Variants in PFDN1 observed in about 807,000 individuals in gnomAD.
PFDN1 encodes the protein prefoldin subunit 1, also known as prefoldin 1.
A neutral mutation model predicts 17.3 loss-of-function variants in PFDN1; 6 were observed. The ratio of observed to expected loss-of-function variants is 0.35; its 90% CI spans 0.19 to 0.69. The LOEUF is 0.69. Ranked by LOEUF, PFDN1 falls within the 30% of genes least tolerant of loss-of-function variation. PFDN1 has a pLI of 0.65. For missense variants in PFDN1, 113 were observed against 146.2 expected (o/e 0.77, Z 1.17); for synonymous variants, 58 against 50.1 (o/e 1.16, Z -0.67).
chr5:140,279,632 A>AT (rs1052151069), intron 3 of PFDN1, among the ~76,000 whole-genome samples: 2 of 152,188 alleles, frequency 1.3e-5, no homozygotes, highest in Non-Finnish European at 2.9e-5. Flanking sequence ...CACTCTGCTA[A>AT]TTTTTTAATC....
chr5:140,294,497 T>C (rs1765624903), intron 2 of PFDN1, among the ~76,000 whole-genome samples: 1 of 151,982 alleles, frequency 6.6e-6, no homozygotes. Context: ...ACATTTAACA[T>C]AACTAAGGGA....
chr5:140,296,683 G>A lies in PFDN1; in HGVS notation c.200+3733C>T, dbSNP rs964996282. Among the ~76,000 whole-genome samples, 3 of 152,182 alleles carry A rather than the reference G, an allele frequency of 2.0e-5. No individual in the cohort carries two copies. In the South Asian group the frequency reaches 6.2e-4, roughly 31 times the overall value. ...ATGTGTGAGGAAACCTATGTGGCAA[G>A]GGTAGGATAACAATTTCTAGTACAT... On this transcript the variant is annotated intron_variant, in intron 2 of 3. Coordinates refer to ENST00000261813, the MANE Select transcript of PFDN1 (RefSeq NM_002622.5).
At chr5:140,273,162 T>C (rs1189086376) in intron 3 of PFDN1, among the ~76,000 whole-genome samples, 1 of 151,520 alleles carries the variant, frequency 6.6e-6, no homozygotes, top group Non-Finnish European at 1.5e-5. Context: ...GAAGAATCGC[T>C]TGAACCCAGG....
chr5:140,262,593 T>C (rs1765080769), intron 3 of PFDN1: 5 of 454,912 alleles, frequency 1.1e-5, no homozygotes, highest in Non-Finnish European at 2.2e-5. Context: ...GTGCTTCATA[T>C]GGAATGAAAA....
At chr5:140,263,492 T>C (rs1765091236) in intron 3 of PFDN1, among the ~76,000 whole-genome samples, 1 of 152,204 alleles carries the variant, frequency 6.6e-6, no homozygotes, top group Non-Finnish European at 1.5e-5. Context: ...GGGCCAGAAA[T>C]AAAAGTTACT....
intron 2 of PFDN1, among the ~76,000 whole-genome samples, chr5:140,295,061 A>G (rs1383190238): frequency 6.6e-6 from 1 of 152,002 alleles, no homozygotes; most frequent in Non-Finnish European, 1.5e-5. Flanking sequence ...AGTTCCTCAT[A>G]TTAAAAAAAA....
intron 1 of PFDN1, among the ~76,000 whole-genome samples, chr5:140,302,328 C>T (rs1765760720): frequency 1.3e-5 from 2 of 152,180 alleles, no homozygotes. Context: ...GAATGCTGAT[C>T]ATTCTTAGAT....
chr5:140,272,151 C>CT (rs1765215450), intron 3 of PFDN1, among the ~76,000 whole-genome samples: 3 of 151,580 alleles, frequency 2.0e-5, no homozygotes, highest in African/African-American at 7.2e-5. Flanking sequence ...TCCCGAGTAG[C>CT]TGGGGCTACA....
At chr5:140,289,943 C>T (rs1409214977) in intron 2 of PFDN1, among the ~76,000 whole-genome samples, 2 of 152,156 alleles carry the variant, frequency 1.3e-5, no homozygotes, top group Non-Finnish European at 2.9e-5. Flanking sequence ...GCTCTTATTA[C>T]TAACCTCCTG....
In PFDN1 at chr5:140,245,699, C is replaced by T; in HGVS notation, c.*275G>A. On this transcript the variant is annotated 3_prime_UTR_variant, in exon 4 of 4. Coordinates refer to ENST00000261813, the MANE Select transcript of PFDN1 (RefSeq NM_002622.5). ...TAGTGGAAAGCTCAGGCAGAGCTTC[C>T]TATCTTGCCCTGGCTCCCATCTTCC... 3.2e-6 allele frequency: 2 copies of T among 619,746 alleles called. No individual in the cohort carries two copies. Among genetic ancestry groups the T allele is most frequent in the Non-Finnish European group, 5.7e-6 (2 of 348,606 alleles). 38.4% of individuals were successfully genotyped at this position (619,746 alleles called of 1,614,324 possible).
intron 2 of PFDN1, among the ~76,000 whole-genome samples, chr5:140,285,080 A>C (rs1395601396): frequency 6.6e-6 from 1 of 152,206 alleles, no homozygotes; most frequent in Admixed American, 6.5e-5. Flanking sequence ...CACAATTTCC[A>C]AAGTATGGTC....
intron 2 of PFDN1, among the ~76,000 whole-genome samples, chr5:140,297,072 A>C (rs1765665346): frequency 6.6e-6 from 1 of 152,240 alleles, no homozygotes; most frequent in Non-Finnish European, 1.5e-5. Flanking sequence ...GGCAGGAAGA[A>C]AGAACAGTTA....
chr5:140,252,340 G>C (rs1764926949), intron 3 of PFDN1, among the ~76,000 whole-genome samples: 1 of 152,194 alleles, frequency 6.6e-6, no homozygotes, highest in Admixed American at 6.5e-5. Context: ...ACACAAGGCA[G>C]ACTTAGGTTC....
rs1397816380 is a variant in PFDN1, at chr5:140,254,019, A to T, written c.286-7962T>A. On this transcript the variant is annotated intron_variant, in intron 3 of 3. Coordinates refer to ENST00000261813, the MANE Select transcript of PFDN1 (RefSeq NM_002622.5). The surrounding 1 kb of genome is among the most constrained non-coding windows in gnomAD (Gnocchi z 4.4). Reference sequence around the variant, plus strand: ...TTTGAGACTCAAACTTTTTGTTCTAAATCAGGAGTCAGCAAACTTTTTCTA... The same window carrying T: ...TTTGAGACTCAAACTTTTTGTTCTATATCAGGAGTCAGCAAACTTTTTCTA... Among the ~76,000 whole-genome samples, 1 of 152,164 alleles carries T rather than the reference A, an allele frequency of 6.6e-6. No homozygotes were observed. Among genetic ancestry groups the T allele is most frequent in the East Asian group, 1.9e-4 (1 of 5,190 alleles).
chr5:140,266,072 C>T (rs1269188440), intron 3 of PFDN1, among the ~76,000 whole-genome samples: 1 of 152,144 alleles, frequency 6.6e-6, no homozygotes, highest in Non-Finnish European at 1.5e-5. Flanking sequence ...GTGAAATGCC[C>T]GCCCCTCTCC....
chr5:140,280,343 C>T (rs6869801), intron 3 of PFDN1, among the ~76,000 whole-genome samples: 115,704 of 152,066 alleles, frequency 0.76, 44,915 homozygotes, highest in African/African-American at 0.91. Flanking sequence ...AGATATCAAA[C>T]TGAACCTCTT....
At chr5:140,264,020 CAAAAAAAAAAAAAAAA>C (rs58605224) in intron 3 of PFDN1, among the ~76,000 whole-genome samples, 58 of 55,578 alleles carry the variant, frequency 1.0e-3, no homozygotes, top group East Asian at 5.1e-3. Flanking sequence ...GACTCCATCT[CAAAAAAAAAAAAAAAA>C]AAAAAAAAAA....
At chr5:140,302,154 G>T (rs1437912168) in intron 1 of PFDN1, among the ~76,000 whole-genome samples, 1 of 152,210 alleles carries the variant, frequency 6.6e-6, no homozygotes, top group East Asian at 1.9e-4. Context: ...AAAAAAGTGT[G>T]AGATAAGGCA....
intron 2 of PFDN1, among the ~76,000 whole-genome samples, chr5:140,291,439 A>G (rs1038982397): frequency 1.3e-5 from 2 of 152,214 alleles, no homozygotes; most frequent in Non-Finnish European, 2.9e-5. Context: ...TAATACTGAG[A>G]GAGGAGATGG....
Sources: gnomAD v4.1 joint callset for allele counts (sites outside exome capture counted in the v4.1 genomes callset) on GRCh38, gnomAD v4.1.1 for gene constraint, Gnocchi (gnomAD v3.1) non-coding constraint, MANE v1.5 for transcripts, NCBI Gene and HGNC (gene_info 2026-07-23, HGNC 2026-07-21) for gene names.